LRTM1: variants seen among roughly 807,000 people sequenced by gnomAD.
The protein encoded by LRTM1 is leucine rich repeat transmembrane protein 1.
LRTM1 carries 38 observed loss-of-function variants against 32.4 expected under a neutral mutation model. The ratio of observed to expected loss-of-function variants is 1.17; its 90% CI spans 0.91 to 1.54. The LOEUF (loss-of-function observed/expected upper bound fraction) is 1.54. LRTM1 is among the 40% of genes most tolerant of loss of function. The probability of loss-of-function intolerance (pLI) is 0.00; values close to 1 mark genes in which losing one functional copy is unlikely to be tolerated. For missense variants in LRTM1, 466 were observed against 415.4 expected, an observed-to-expected ratio of 1.12 and a Z score of -1.06; for synonymous variants, 186 against 169.9, an observed-to-expected ratio of 1.09 and a Z score of -0.74.
At chr3:54,939,399 T>TA (rs1411669947) in intron 1 of LRTM1, among the ~76,000 whole-genome samples, 1 of 152,220 alleles carries the variant, frequency 6.6e-6, no homozygotes, top group East Asian at 1.9e-4. Flanking sequence ...TCTGCGTTTT[T>TA]ATCTCATCTT....
intron 1 of LRTM1, among the ~76,000 whole-genome samples, chr3:54,942,975 G>T (rs980918696): frequency 6.6e-6 from 1 of 152,028 alleles, no homozygotes; most frequent in Non-Finnish European, 1.5e-5. Context: ...AGTGAGCTGA[G>T]ACTGTGCCAC....
intron 1 of LRTM1, among the ~76,000 whole-genome samples, chr3:54,941,485 C>A (rs374070333): frequency 4.7e-4 from 71 of 152,164 alleles, no homozygotes; most frequent in African/African-American, 1.7e-3. Flanking sequence ...GTCGTTTTCC[C>A]CCTCCATTCA....
At chr3:54,934,984 C>T (rs762795481) in intron 1 of LRTM1, among the ~76,000 whole-genome samples, 1 of 152,188 alleles carries the variant, frequency 6.6e-6, no homozygotes, top group Non-Finnish European at 1.5e-5. Context: ...GTGATCCACC[C>T]GCCTTGGCCT....
intron 1 of LRTM1, among the ~76,000 whole-genome samples, chr3:54,964,404 T>A (rs1575411132): frequency 8.0e-6 from 1 of 125,766 alleles, no homozygotes; most frequent in East Asian, 2.8e-4. Context: ...ACCCCAGGAA[T>A]GGTGATTTTT....
intron 1 of LRTM1, among the ~76,000 whole-genome samples, chr3:54,948,610 G>GAGAC (rs1701675695): frequency 6.6e-6 from 1 of 152,206 alleles, no homozygotes; most frequent in African/African-American, 2.4e-5. Flanking sequence ...GAAGGATGAT[G>GAGAC]AGACTCCTTG....
At chr3:54,954,063 T>C (rs568655187) in intron 1 of LRTM1, among the ~76,000 whole-genome samples, 3 of 152,206 alleles carry the variant, frequency 2.0e-5, no homozygotes, top group African/African-American at 7.2e-5. Context: ...GCAAGAACTT[T>C]CCATGAATTC....
intron 1 of LRTM1, among the ~76,000 whole-genome samples, chr3:54,926,146 C>T (rs961390416): frequency 1.3e-5 from 2 of 152,078 alleles, no homozygotes; most frequent in Admixed American, 1.3e-4. Flanking sequence ...ACTGATGTAT[C>T]CCTCCAGACA....
chr3:54,930,736 C>T (rs1364638070), upstream of LRTM1, among the ~76,000 whole-genome samples: 1 of 152,188 alleles, frequency 6.6e-6, no homozygotes, highest in Non-Finnish European at 1.5e-5. Context: ...ACCTACCTCG[C>T]CGGAGGCAGG....
chr3:54,926,347 C>G (rs1394070845), intron 1 of LRTM1, among the ~76,000 whole-genome samples: 1 of 152,092 alleles, frequency 6.6e-6, no homozygotes, highest in Non-Finnish European at 1.5e-5. Context: ...GAATCACTTG[C>G]CCAAGTTCAC....
intron 1 of LRTM1, among the ~76,000 whole-genome samples, chr3:54,955,482 C>G (rs1038977438): frequency 1.1e-4 from 16 of 152,134 alleles, no homozygotes; most frequent in African/African-American, 3.9e-4. Context: ...AAAAAGCTCT[C>G]TTGGTCAGAT....
intron 1 of LRTM1, among the ~76,000 whole-genome samples, chr3:54,947,012 A>T (rs1701633266): frequency 6.6e-6 from 1 of 152,172 alleles, no homozygotes. Flanking sequence ...AGCCTTAGAC[A>T]AGTAATTGGG....
rs1207614021 is a variant in LRTM1 at position 54,918,520 on chromosome 3, G to C, written c.977C>G (p.Ala326Gly). The C allele has an allele frequency of 6.2e-7, 1 of 1,613,828 alleles. No homozygotes were observed. ...CACCTTCCCAGGATCATTGGTTTGA[G>C]CCAAGGGTCCCCCATGGTACTGGGC... is the stretch of plus-strand genomic sequence containing the variant. ...ITAQYHGGPL[A>G]QTNDPGKVEE... is the part of the protein sequence containing the mutation. Residue 326 changes from alanine (A) to glycine (G), a missense_variant, in exon 3 of 3, where the codon GCT (alanine) becomes GGT (glycine). By Grantham distance (60) the Ala-to-Gly change is moderately conservative. Transcript: ENST00000273286.
intron 1 of LRTM1, among the ~76,000 whole-genome samples, chr3:54,926,194 A>T (rs1701011029): frequency 1.3e-5 from 2 of 152,150 alleles, no homozygotes; most frequent in African/African-American, 4.8e-5. Flanking sequence ...AAAATCTCAA[A>T]TAAACATATA....
At chr3:54,933,960 G>A (rs546041791) in intron 1 of LRTM1, among the ~76,000 whole-genome samples, 8 of 152,072 alleles carry the variant, frequency 5.3e-5, no homozygotes, top group Admixed American at 2.0e-4. Flanking sequence ...TGGTAGAGAC[G>A]GGGTTTCGTC....
intron 1 of LRTM1, among the ~76,000 whole-genome samples, chr3:54,965,183 C>T (rs1033137788): frequency 6.6e-6 from 1 of 152,122 alleles, no homozygotes; most frequent in South Asian, 2.1e-4. Context: ...GGCTGTGCTG[C>T]AAGAAAACTT....
rs1339377993 is a variant in LRTM1, at chr3:54,919,013, C to A, written c.605-121G>T. 4 of 764,962 alleles carry A rather than the reference C, an allele frequency of 5.2e-6. No homozygotes were observed. In the African/African-American group the frequency reaches 5.3e-5, roughly 10 times the overall value. The allele number at this position is 764,962 out of a possible 1,614,324, so 47.4% of individuals were successfully genotyped here. On this transcript the variant is annotated intron_variant, in intron 2 of 2. Transcript: ENST00000273286. ...GAAGTACCTTTTTTTTTTTTAAATC[C>A]TGGAGTCAAAGAATTTAACAACCAT...
At chr3:54,925,996 A>G (rs1335901441) in intron 1 of LRTM1, among the ~76,000 whole-genome samples, 7 of 152,214 alleles carry the variant, frequency 4.6e-5, no homozygotes, top group Non-Finnish European at 7.3e-5. Flanking sequence ...TAGTTCTGCA[A>G]GTCCTTCATG....
chr3:54,953,217 G>A (rs192686224), intron 1 of LRTM1, among the ~76,000 whole-genome samples: 160 of 152,270 alleles, frequency 1.1e-3, no homozygotes, highest in African/African-American at 3.7e-3. Context: ...CGTATAAGGT[G>A]TGCATGACTC....
intron 1 of LRTM1, among the ~76,000 whole-genome samples, chr3:54,966,138 G>A (rs376550436): frequency 6.6e-6 from 1 of 152,056 alleles, no homozygotes; most frequent in Non-Finnish European, 1.5e-5. Flanking sequence ...ACGGGGGTGG[G>A]GGTCTCAGAA....
Sources: gnomAD v4.1 joint callset for allele counts (sites outside exome capture counted in the v4.1 genomes callset) on GRCh38, gnomAD v4.1.1 for gene constraint, MANE v1.5 for transcripts, NCBI Gene and HGNC (gene_info 2026-07-23, HGNC 2026-07-21) for gene names.